The following EPB41L4A variants were observed in gnomAD, a reference collection of about 807,000 sequenced individuals.
The protein encoded by EPB41L4A is erythrocyte membrane protein band 4.1 like 4A, also known as band 4.1-like protein 4A.
Under a neutral mutation model 108.6 loss-of-function variants are expected in EPB41L4A, and 100 were observed. The observed-to-expected ratio is 0.92, with a 90% CI of 0.78 to 1.09. EPB41L4A has a LOEUF of 1.09. EPB41L4A is among the 50% of genes least tolerant of loss of function. The probability of loss-of-function intolerance (pLI) is 0.00; values close to 1 mark genes in which losing one functional copy is unlikely to be tolerated. For missense variants in EPB41L4A, 1,030 were observed against 842.7 expected (o/e 1.22, Z -2.75); for synonymous variants, 319 against 289.0 (o/e 1.10, Z -1.05).
intron 19 of EPB41L4A, 36 bp downstream of exon 19, chr5:112,170,909 G>GCAAATGCATTAAAACTATT (rs1456031813): frequency 6.3e-7 from 1 of 1,576,618 alleles, no homozygotes; most frequent in East Asian, 2.2e-5. Flanking sequence ...AAACTACATG[G>GCAAATGCATTAAAACTATT]GTTTTAAAAC....
At chr5:112,202,676 C>T (rs1762275254) in intron 15 of EPB41L4A, among the ~76,000 whole-genome samples, 1 of 152,076 alleles carries the variant, frequency 6.6e-6, no homozygotes, top group Non-Finnish European at 1.5e-5. Context: ...AATATAGACC[C>T]TTCTCTTCTT....
intron 1 of EPB41L4A, among the ~76,000 whole-genome samples, chr5:112,331,228 A>C (rs770074738): frequency 7.0e-4 from 106 of 152,328 alleles, no homozygotes; most frequent in Middle Eastern, 6.8e-3. Context: ...TTTGTTGTGA[A>C]GGTCAATTTG....
chr5:112,355,521 G>T (rs1014639548), intron 1 of EPB41L4A, among the ~76,000 whole-genome samples: 2 of 152,162 alleles, frequency 1.3e-5, no homozygotes, highest in African/African-American at 2.4e-5. Context: ...GAGTTTCACA[G>T]TTGGAACACA....
chr5:112,417,093 C>T (rs993212575), intron 1 of EPB41L4A, among the ~76,000 whole-genome samples: 1 of 152,140 alleles, frequency 6.6e-6, no homozygotes, highest in African/African-American at 2.4e-5. Flanking sequence ...GTTATATGGC[C>T]CATATCCAAA....
At chr5:112,166,047 CA>C (rs1760223582) in intron 22 of EPB41L4A, among the ~76,000 whole-genome samples, 1 of 152,066 alleles carries the variant, frequency 6.6e-6, no homozygotes, top group South Asian at 2.1e-4. Context: ...GAAGAATTAC[CA>C]GAAAAAAAGT....
At chr5:112,417,333 G>A (rs760154375) in intron 1 of EPB41L4A, among the ~76,000 whole-genome samples, 3 of 152,190 alleles carry the variant, frequency 2.0e-5, no homozygotes, top group Non-Finnish European at 4.4e-5. Context: ...GATTAAATAG[G>A]AAGCTCACAT....
chr5:112,169,253 T>G, intron 20 of EPB41L4A, 148 bp from the exon 21 acceptor site: 1 of 635,106 alleles, frequency 1.6e-6, no homozygotes, highest in Non-Finnish European at 2.8e-6. Flanking sequence ...CCTGAGTGAC[T>G]TAAATTTCAC....
At chr5:112,317,768 C>A (rs559384991) in intron 1 of EPB41L4A, among the ~76,000 whole-genome samples, 1 of 152,130 alleles carries the variant, frequency 6.6e-6, no homozygotes, top group Non-Finnish European at 1.5e-5. Flanking sequence ...TTGGACAATA[C>A]ATCTTTTTTG....
At chr5:112,258,190 T>C (rs1482692955) in intron 9 of EPB41L4A, among the ~76,000 whole-genome samples, 4 of 152,120 alleles carry the variant, frequency 2.6e-5, no homozygotes, top group Non-Finnish European at 1.5e-5. Flanking sequence ...GAACAAAGAG[T>C]AGCATCAGGT....
chr5:112,160,598 G>C (rs1759826671), downstream of EPB41L4A: 1 of 152,606 alleles, frequency 6.6e-6, no homozygotes, highest in South Asian at 2.1e-4. Flanking sequence ...ATATGCTCTT[G>C]ACCCTGGTCG....
intron 12 of EPB41L4A, among the ~76,000 whole-genome samples, chr5:112,211,010 A>G (rs1762711862): frequency 6.6e-6 from 1 of 152,108 alleles, no homozygotes; most frequent in East Asian, 1.9e-4. Flanking sequence ...AGTACTTACT[A>G]TGTGTCAGGT....
In EPB41L4A at chr5:112,195,675, A is replaced by G. The variant is rs1403865082; in HGVS notation, c.1410T>C (p.Leu470=). The G allele has an allele frequency of 1.9e-6, 3 of 1,613,746 alleles. No homozygotes were observed. The highest frequency in any genetic ancestry group is 2.5e-6 in the Non-Finnish European group (3 of 1,179,770). Residue 470 remains leucine, a synonymous_variant, in exon 16 of 23, where the codon CTT becomes CTC. Transcript: ENST00000261486. ...KAHNSGEDSD[L]KQRRRSRSRC... ...TGTTTTTTTACCTCCTCCTTTGCTT[A>G]AGATCTGAATCTTCACCACTGTTAT...
At chr5:112,227,019 A>C (rs1230186608) in intron 12 of EPB41L4A, among the ~76,000 whole-genome samples, 1 of 150,624 alleles carries the variant, frequency 6.6e-6, no homozygotes, top group Non-Finnish European at 1.5e-5. Flanking sequence ...TGCTACTCTG[A>C]AGAGTAGAAA....
chr5:112,295,035 C>A (rs953928432), intron 2 of EPB41L4A, among the ~76,000 whole-genome samples: 1 of 152,186 alleles, frequency 6.6e-6, no homozygotes, highest in South Asian at 2.1e-4. Flanking sequence ...TCATCTGGCA[C>A]TGAAACTAAA....
Position 112,164,760 on chromosome 5 carries a change from G to T in EPB41L4A, c.*230C>A. ...TGAGACAGGAGAATCGCTTAACCCAGTAAGTGGAGGCTGCGGTGAGCTGAC... is the reference window on the plus strand; with the variant it reads ...TGAGACAGGAGAATCGCTTAACCCATTAAGTGGAGGCTGCGGTGAGCTGAC... On this transcript the variant is annotated 3_prime_UTR_variant, in exon 23 of 23. Coordinates refer to ENST00000261486, the MANE Select transcript of EPB41L4A (RefSeq NM_022140.5). The T allele has an allele frequency of 3.1e-6, 1 of 320,870 alleles. No homozygotes were observed. The highest frequency in any genetic ancestry group is 5.6e-6 in the Non-Finnish European group (1 of 178,226). The allele number at this position is 320,870 out of a possible 1,614,324, so 19.9% of individuals were successfully genotyped here. A position where few individuals can be genotyped will look rare whatever the true frequency, so the allele number is the denominator to read the frequency against.
At chr5:112,361,086 A>G (rs1159093009) in intron 1 of EPB41L4A, among the ~76,000 whole-genome samples, 1 of 152,190 alleles carries the variant, frequency 6.6e-6, no homozygotes, top group East Asian at 1.9e-4. Context: ...AAAGGGGGGA[A>G]GTGTGGGGAA....
chr5:112,351,182 A>G (rs2416284), intron 1 of EPB41L4A, among the ~76,000 whole-genome samples: 133,560 of 152,228 alleles, frequency 0.88, 58,713 homozygotes, highest in South Asian at 0.97. Context: ...AAGGAGCAAT[A>G]AAATGAGAAG....
Position 112,272,138 on chromosome 5 carries a change from A to T in EPB41L4A, c.335+3188T>A, listed in dbSNP as rs376061321. On this transcript the variant is annotated intron_variant, in intron 4 of 22. Transcript: ENST00000261486. ...AGAAGTTCCCTGTAGCATTATTTGT[A>T]TTTTTTTTTTTTTTGAGATGGAGTC... Among the ~76,000 whole-genome samples the T allele has an allele frequency of 4.7e-3, 643 of 136,524 alleles. 6 individuals carry two copies. Among genetic ancestry groups the T allele is most frequent in the African/African-American group, 0.016 (594 of 36,682 alleles). 89.6% of individuals were successfully genotyped at this position (136,524 alleles called of 152,430 possible).
chr5:112,345,821 A>ACACACACACG (rs1757625111), intron 1 of EPB41L4A, among the ~76,000 whole-genome samples: 1 of 148,532 alleles, frequency 6.7e-6, no homozygotes. Context: ...ACACACACAC[A>ACACACACACG]CGCACACATA....
Sources: allele counts gnomAD v4.1 joint callset (sites outside exome capture counted in the v4.1 genomes callset), GRCh38; gene constraint gnomAD v4.1.1; transcripts MANE v1.5; gene names NCBI Gene and HGNC (gene_info 2026-07-23, HGNC 2026-07-21).